Variants in NEDD4 observed in about 807,000 individuals in gnomAD.
NEDD4 encodes the protein E3 ubiquitin-protein ligase NEDD4.
A neutral mutation model predicts 144.9 loss-of-function variants in NEDD4; 99 were observed. The ratio of observed to expected loss-of-function variants is 0.68; its 90% CI spans 0.58 to 0.81. The LOEUF (loss-of-function observed/expected upper bound fraction) is 0.81. Among genes scored for constraint, NEDD4 ranks in the 30% least tolerant of loss-of-function variants. The probability of loss-of-function intolerance (pLI) is 0.00; values close to 1 mark genes in which losing one functional copy is unlikely to be tolerated. For synonymous variants in NEDD4, 318 were observed against 350.6 expected (o/e 0.91, Z 1.04); for missense variants, 985 against 1,065.9 (o/e 0.92, Z 1.06).
intron 11 of NEDD4, 44 bp from the exon 12 acceptor site, chr15:55,856,240 G>A (rs1267734163): frequency 1.2e-5 from 19 of 1,569,044 alleles, no homozygotes; most frequent in Non-Finnish European, 1.7e-5. Flanking sequence ...TGATATTTGT[G>A]ATTTGCCTTT....
intron 5 of NEDD4, among the ~76,000 whole-genome samples, chr15:55,880,481 TGAGA>T (rs1230474986): frequency 2.0e-5 from 3 of 152,074 alleles, no homozygotes; most frequent in Non-Finnish European, 4.4e-5. Context: ...TGCAAAATAA[TGAGA>T]GAAAGATATT....
At chr15:55,962,243 T>G (rs2037438954) in intron 2 of NEDD4, among the ~76,000 whole-genome samples, 1 of 152,238 alleles carries the variant, frequency 6.6e-6, no homozygotes, top group Admixed American at 6.5e-5. Context: ...TGCGTCCGCT[T>G]TCTTTCAAAT....
At chr15:55,864,010 T>A (rs28544306) in intron 8 of NEDD4, among the ~76,000 whole-genome samples, 1 of 152,154 alleles carries the variant, frequency 6.6e-6, no homozygotes, top group Non-Finnish European at 1.5e-5. Context: ...GAAAGATTTT[T>A]AAAAAATGCA....
At chr15:55,937,378 A>G (rs2036914958) in intron 4 of NEDD4, among the ~76,000 whole-genome samples, 1 of 152,222 alleles carries the variant, frequency 6.6e-6, no homozygotes, top group Admixed American at 6.5e-5. Flanking sequence ...AGGACCACAC[A>G]TAATAATGTC....
intron 5 of NEDD4, among the ~76,000 whole-genome samples, chr15:55,894,450 T>G (rs2035674840): frequency 1.3e-5 from 2 of 152,048 alleles, no homozygotes; most frequent in African/African-American, 2.4e-5. Context: ...CTGGAACCAT[T>G]CCCCCTGCAA....
intron 1 of NEDD4, among the ~76,000 whole-genome samples, chr15:55,982,325 G>T (rs965697140): frequency 6.6e-6 from 1 of 152,070 alleles, no homozygotes; most frequent in South Asian, 2.1e-4. Flanking sequence ...ATAGATGAAT[G>T]TTCACCGTAG....
chr15:55,922,726 T>TA (rs2036591780), intron 5 of NEDD4, among the ~76,000 whole-genome samples: 2 of 152,006 alleles, frequency 1.3e-5, no homozygotes, highest in South Asian at 2.1e-4. Flanking sequence ...CAAAGAATGA[T>TA]AAAAACAAAA....
At chr15:55,871,527 C>T (rs138587615) in intron 7 of NEDD4, among the ~76,000 whole-genome samples, 269 of 152,268 alleles carry the variant, frequency 1.8e-3, no homozygotes, top group Non-Finnish European at 3.2e-3. Context: ...ATGCAGATGT[C>T]ACAATCAGTC....
At chr15:55,876,286 C>T (rs1474389793) in intron 5 of NEDD4, among the ~76,000 whole-genome samples, 5 of 151,048 alleles carry the variant, frequency 3.3e-5, no homozygotes, top group Non-Finnish European at 1.5e-5. Context: ...TAAGTGGCAC[C>T]AGATAGAAAT....
chr15:55,833,088 T>C lies in NEDD4; in HGVS notation c.2447A>G (p.Asp816Gly). The stretch of plus-strand genomic sequence containing the variant: ...AAGTAATCTTATTCTTTTTTCTGAA[T>C]CCATCATTAAAACAGCCTGAATAAG... ...QWFWKAVLMM[D>G]SEKRIRLLQF... The change falls in exon 27 of 29, where the codon GAT becomes GGT. Residue 816 changes from aspartate (D) to glycine (G), a missense_variant. Coordinates refer to ENST00000435532, the MANE Select transcript of NEDD4 (RefSeq NM_006154.4). 1 of 1,612,164 alleles carries C rather than the reference T, an allele frequency of 6.2e-7. No homozygotes were observed. Among genetic ancestry groups the C allele is most frequent in the Non-Finnish European group, 8.5e-7 (1 of 1,178,988 alleles).
chr15:55,957,508 G>A (rs1338387474), intron 2 of NEDD4, among the ~76,000 whole-genome samples: 1 of 152,140 alleles, frequency 6.6e-6, no homozygotes, highest in African/African-American at 2.4e-5. Flanking sequence ...AATGGGTGTT[G>A]AATTTTGTCA....
At chr15:55,978,831 G>A (rs1238708844) in intron 1 of NEDD4, among the ~76,000 whole-genome samples, 2 of 149,976 alleles carry the variant, frequency 1.3e-5, no homozygotes, top group African/African-American at 4.9e-5. Context: ...TGCGGGCAGC[G>A]TCAATAATTA....
chr15:55,936,599 A>T (rs1430819875), intron 4 of NEDD4, among the ~76,000 whole-genome samples: 1 of 152,166 alleles, frequency 6.6e-6, no homozygotes, highest in Non-Finnish European at 1.5e-5. Flanking sequence ...CATAAATCTA[A>T]TATATTGAGT....
At chr15:55,856,559 T>C (rs564376704) in intron 11 of NEDD4, among the ~76,000 whole-genome samples, 2 of 151,020 alleles carry the variant, frequency 1.3e-5, no homozygotes, top group African/African-American at 4.8e-5. Flanking sequence ...TCCTAAGAGG[T>C]TTCCCCGTTG....
chr15:55,847,072 G>A (rs1472297342), intron 17 of NEDD4, 38 bp from the exon 18 acceptor site: 1 of 1,407,804 alleles, frequency 7.1e-7, no homozygotes, highest in Non-Finnish European at 9.9e-7. Context: ...AGAAGTTTAG[G>A]TTGTTTTTAT....
intron 5 of NEDD4, among the ~76,000 whole-genome samples, chr15:55,923,830 C>CA (rs771433009): frequency 9.5e-4 from 143 of 150,682 alleles, no homozygotes; most frequent in Non-Finnish European, 1.5e-3. Flanking sequence ...TAAAAACAGA[C>CA]TTTTTTTTAA....
intron 5 of NEDD4, among the ~76,000 whole-genome samples, chr15:55,882,875 A>C (rs2142095472): frequency 6.6e-6 from 1 of 152,318 alleles, no homozygotes; most frequent in African/African-American, 2.4e-5. Context: ...TTAGGTCCTG[A>C]ATAATCAGCA....
chr15:55,916,623 TC>T, intron 5 of NEDD4: 1 of 1,614,056 alleles, frequency 6.2e-7, no homozygotes, highest in Non-Finnish European at 8.5e-7. Flanking sequence ...AGATGATCTT[TC>T]TTGAGACTGA....
intron 4 of NEDD4, among the ~76,000 whole-genome samples, chr15:55,938,556 A>G (rs2036936250): frequency 6.6e-6 from 1 of 152,148 alleles, no homozygotes; most frequent in African/African-American, 2.4e-5. Context: ...GACAATGACA[A>G]TGATTTTTTG....
Sources: gnomAD v4.1 joint callset for allele counts (sites outside exome capture counted in the v4.1 genomes callset) on GRCh38, gnomAD v4.1.1 for gene constraint, MANE v1.5 for transcripts, NCBI Gene and HGNC (gene_info 2026-07-23, HGNC 2026-07-21) for gene names.